PTPN22: variants seen among roughly 807,000 people sequenced by gnomAD.
The protein encoded by PTPN22 is tyrosine-protein phosphatase non-receptor type 22.
PTPN22 carries 85 observed loss-of-function variants against 103.3 expected under a neutral mutation model. That is an observed-to-expected ratio of 0.82 (90% CI 0.69 to 0.99). The LOEUF is 0.99. PTPN22 is among the 50% of genes least tolerant of loss of function. The pLI is 0.00. For synonymous variants in PTPN22, 323 were observed against 310.2 expected (o/e 1.04, Z -0.43); for missense variants, 865 against 936.9 (o/e 0.92, Z 1.00).
intron 13 of PTPN22, among the ~76,000 whole-genome samples, chr1:113,835,375 G>A (rs138382152): frequency 2.9e-4 from 44 of 152,174 alleles, no homozygotes; most frequent in African/African-American, 7.7e-4. Flanking sequence ...AACATTAGCC[G>A]GGCGTGGTGG....
chr1:113,824,721 G>A (rs12735104), intron 19 of PTPN22, among the ~76,000 whole-genome samples: 33,072 of 151,858 alleles, frequency 0.22, 4,515 homozygotes, highest in South Asian at 0.39. Flanking sequence ...AACATTGGCC[G>A]GGTGCAGTGG....
intron 18 of PTPN22, among the ~76,000 whole-genome samples, chr1:113,827,328 CA>C (rs1467796076): frequency 6.6e-6 from 1 of 152,132 alleles, no homozygotes; most frequent in Admixed American, 6.6e-5. Context: ...ATCTACTACT[CA>C]GTTTCTAATG....
At position 113,858,232 on chromosome 1, in the gene PTPN22, A is replaced by AT. The variant is rs201226825; in HGVS notation, c.369+245dup. Among the ~76,000 whole-genome samples the AT allele has an allele frequency of 3.0e-4, 46 of 151,882 alleles. 1 individual carries two copies. In the East Asian group the frequency reaches 7.2e-3, roughly 24 times the overall value. On this transcript the variant is annotated intron_variant, in intron 4 of 20. Transcript: ENST00000359785. ...ACCACCACTCCCAGCTAATTTTTGT[A>AT]TTTTTTGTAGAGACAGGGTTTTGCA...
intron 13 of PTPN22, among the ~76,000 whole-genome samples, chr1:113,835,899 T>G (rs1214872487): frequency 6.6e-6 from 1 of 151,368 alleles, no homozygotes; most frequent in African/African-American, 2.4e-5. Flanking sequence ...ATGACGATAT[T>G]GTTACAATCC....
intron 20 of PTPN22, 57 bp from the exon 21 acceptor site, chr1:113,815,026 T>G: frequency 2.4e-6 from 3 of 1,255,518 alleles, no homozygotes; most frequent in Non-Finnish European, 3.4e-6. Flanking sequence ...TAGAAATGAA[T>G]ACTTGGATTT....
At chr1:113,858,722 CT>C in intron 3 of PTPN22, 149 bp from the exon 4 acceptor site, 1 of 715,724 alleles carries the variant, frequency 1.4e-6, no homozygotes, top group Non-Finnish European at 2.3e-6. Context: ...TCACTGCAGC[CT>C]TGACCTCCTG....
At position 113,826,822 on chromosome 1, in the gene PTPN22, A is replaced by G. The variant is rs910725656; in HGVS notation, c.2251-1650T>C. ...GTAGCTGGGACTACAGGCGCCCGCC[A>G]CTACGCCCGGCTAATTTTTTGTATT... On this transcript the variant is annotated intron_variant, in intron 18 of 20. Coordinates refer to ENST00000359785, the Ensembl canonical transcript of PTPN22. Among the ~76,000 whole-genome samples the G allele has an allele frequency of 1.3e-4, 20 of 150,592 alleles. No individual in the cohort carries two copies. In the Middle Eastern group the frequency reaches 0.014, roughly 105 times the overall value.
At position 113,849,586 on chromosome 1, in the gene PTPN22, A is replaced by ATTT. The variant is rs199711488; in HGVS notation, c.829-963_829-961dup. Among the ~76,000 whole-genome samples, 17 of 56,014 alleles carry ATTT rather than the reference A, an allele frequency of 3.0e-4. 2 individuals carry two copies. Among genetic ancestry groups the ATTT allele is most frequent in the Non-Finnish European group, 5.3e-4 (13 of 24,424 alleles). The allele number at this position is 56,014 out of a possible 152,430, so 36.7% of individuals were successfully genotyped here. On this transcript the variant is annotated intron_variant, in intron 10 of 20. Coordinates refer to ENST00000359785, the Ensembl canonical transcript of PTPN22. ...CCATTAGTATGCTCTTTATTTATTT[A>ATTT]TTTATTTATTTTTTTTTTTGAGACA...
chr1:113,831,699 T>G (rs1423948752), intron 16 of PTPN22, among the ~76,000 whole-genome samples: 2 of 152,190 alleles, frequency 1.3e-5, no homozygotes, highest in African/African-American at 4.8e-5. Context: ...TTATTTAAAG[T>G]TCTTTCTTCC....
At chr1:113,863,916 TATATA>T (rs1180848376) in intron 1 of PTPN22, among the ~76,000 whole-genome samples, 1 of 99,562 alleles carries the variant, frequency 1.0e-5, no homozygotes, top group African/African-American at 5.8e-5. Context: ...AATATATATA[TATATA>T]TATATATTTT....
chr1:113,832,825 A>G (rs2101938338), intron 16 of PTPN22: 1 of 287,136 alleles, frequency 3.5e-6, no homozygotes, highest in South Asian at 4.1e-5. Context: ...TAACAGTGGG[A>G]AAATCTCTAT....
intron 20 of PTPN22, chr1:113,815,499 C>G (rs914466225): frequency 6.6e-6 from 1 of 152,162 alleles, no homozygotes; most frequent in Non-Finnish European, 1.5e-5. Context: ...ATTTATCTTT[C>G]TTCTTCAAAC....
At position 113,859,082 on chromosome 1, in the gene PTPN22, T is replaced by G; in HGVS notation, c.197-4A>C. The G allele has an allele frequency of 6.2e-7, 1 of 1,613,260 alleles. No individual in the cohort carries two copies. On this transcript the variant is annotated splice_region_variant and splice_polypyrimidine_tract_variant and intron_variant, in intron 2 of 20. Coordinates refer to ENST00000359785, the Ensembl canonical transcript of PTPN22. ...AGTTCTACCCGGCTATAATCATCTA[T>G]AATACAAAAGACAGACATAGTACAA...
At chr1:113,864,118 G>GACAA (rs541666001) in intron 1 of PTPN22, 2 of 362,944 alleles carry the variant, frequency 5.5e-6, no homozygotes, top group East Asian at 1.1e-4. Flanking sequence ...TCTCAAAACA[G>GACAA]ACAAACAAAC....
At chr1:113,844,823 GT>G (rs1350168148) in intron 11 of PTPN22, among the ~76,000 whole-genome samples, 2 of 151,718 alleles carry the variant, frequency 1.3e-5, no homozygotes, top group East Asian at 1.9e-4. Flanking sequence ...TTTTTAATTA[GT>G]TAATTAATTT....
chr1:113,838,578 GGA>G lies in PTPN22; in HGVS notation c.956_957del (p.Leu319ProfsTer8), dbSNP rs576627558. ...AAATTAGGAGAATAAGAGTCTGCTTGGAGAGTGTGATTTTTCTCAGGAATACA... is the reference window on the plus strand; with the variant it reads ...AAATTAGGAGAATAAGAGTCTGCTTGGAGTGTGATTTTTCTCAGGAATACA... On this transcript the variant is annotated frameshift_variant, in exon 12 of 21. Transcript: ENST00000359785. LOFTEE classifies it high-confidence loss of function. 1 of 1,613,676 alleles carries G rather than the reference GGA, an allele frequency of 6.2e-7. No individual in the cohort carries two copies. Among genetic ancestry groups the G allele is most frequent in the Non-Finnish European group, 8.5e-7 (1 of 1,179,940 alleles).
chr1:113,838,443 C>A (rs1292679943), intron 12 of PTPN22, 36 bp from the exon 13 acceptor site: 1 of 1,585,234 alleles, frequency 6.3e-7, no homozygotes, highest in East Asian at 2.2e-5. Context: ...TGACACCATA[C>A]CCCAAACAGG....
exon 21 of PTPN22, chr1:113,814,075 G>A (rs753114543): frequency 3.3e-5 from 5 of 152,266 alleles, no homozygotes; most frequent in Non-Finnish European, 5.9e-5. Flanking sequence ...CATAAAATTA[G>A]AGTTGAACTA....
intron 1 of PTPN22, chr1:113,864,430 A>G: frequency 3.6e-6 from 1 of 279,424 alleles, no homozygotes; most frequent in Non-Finnish European, 7.1e-6. Flanking sequence ...AAAGAAAAGA[A>G]AGCTTTCTTT....
Sources: gnomAD v4.1 joint callset for allele counts (sites outside exome capture counted in the v4.1 genomes callset) on GRCh38, gnomAD v4.1.1 for gene constraint, MANE v1.5 for transcripts, NCBI Gene and HGNC (gene_info 2026-07-23, HGNC 2026-07-21) for gene names.